ZC3H12B: variants seen among roughly 807,000 people sequenced by gnomAD.
ZC3H12B encodes the protein probable ribonuclease ZC3H12B.
Under a neutral mutation model 43.9 loss-of-function variants are expected in ZC3H12B, and 7 were observed. The ratio of observed to expected loss-of-function variants is 0.16; its 90% CI spans 0.09 to 0.30. The LOEUF (loss-of-function observed/expected upper bound fraction) is 0.30. Among genes scored for constraint, ZC3H12B ranks in the 10% least tolerant of loss-of-function variants. ZC3H12B has a pLI of 1.00. For synonymous variants in ZC3H12B, 222 were observed against 241.7 expected (o/e 0.92, Z 0.76); for missense variants, 475 against 670.2 (o/e 0.71, Z 3.22).
chrX:65,320,577 G>T, the ZC3H12B span, among the ~76,000 whole-genome samples: 7 of 112,070 alleles, frequency 6.2e-5, no homozygotes, highest in East Asian at 2.8e-4. Flanking sequence ...ACCAAAAAAA[G>T]TCTGAATAGC....
At chrX:65,389,864 C>G (rs1476239625) in intron 2 of ZC3H12B, among the ~76,000 whole-genome samples, 2 of 112,184 alleles carry the variant, frequency 1.8e-5, no homozygotes, top group East Asian at 5.6e-4. Context: ...CCTCAAGGAT[C>G]TAGAACTAGA....
At chrX:65,184,093 T>A in the ZC3H12B span, among the ~76,000 whole-genome samples, 1 of 111,606 alleles carries the variant, frequency 9.0e-6, no homozygotes, top group Non-Finnish European at 1.9e-5. Context: ...ACACAACACA[T>A]TAACATATAG....
chrX:65,054,292 G>A, the ZC3H12B span, among the ~76,000 whole-genome samples: 13 of 111,769 alleles, frequency 1.2e-4, no homozygotes, highest in African/African-American at 3.6e-4. Flanking sequence ...TGTATAAGGT[G>A]TAAGGAAGGG....
chrX:65,218,117 G>C, the ZC3H12B span, among the ~76,000 whole-genome samples: 1 of 112,286 alleles, frequency 8.9e-6, no homozygotes, highest in South Asian at 3.7e-4. Context: ...CTTCTCACCA[G>C]AAACCTAATG....
intron 3 of ZC3H12B, among the ~76,000 whole-genome samples, chrX:65,435,782 G>C (rs1333221739): frequency 9.0e-6 from 1 of 111,608 alleles, no homozygotes; most frequent in Admixed American, 9.6e-5. Context: ...ACAGTATACT[G>C]TATGTGAGCT....
At chrX:65,095,444 G>A in the ZC3H12B span, among the ~76,000 whole-genome samples, 3 of 110,914 alleles carry the variant, frequency 2.7e-5, no homozygotes, top group Non-Finnish European at 3.8e-5. Context: ...CAAATTACTG[G>A]CCCCAAATTG....
the ZC3H12B span, among the ~76,000 whole-genome samples, chrX:65,347,553 T>G: frequency 9.0e-6 from 1 of 111,687 alleles, no homozygotes; most frequent in Non-Finnish European, 1.9e-5. Context: ...CTCACACCAG[T>G]TAGAATGGTG....
intron 3 of ZC3H12B, among the ~76,000 whole-genome samples, chrX:65,483,346 T>C (rs1431418179): frequency 8.9e-6 from 1 of 112,064 alleles, no homozygotes; most frequent in Admixed American, 9.5e-5. Flanking sequence ...CTTTATGATA[T>C]AATTCCTGCA....
chrX:65,269,654 C>G, the ZC3H12B span, among the ~76,000 whole-genome samples: 4 of 109,865 alleles, frequency 3.6e-5, no homozygotes, highest in Non-Finnish European at 7.6e-5. Context: ...AATGCACCAT[C>G]ACACCTGGCT....
chrX:65,379,020 G>A (rs181272279), intron 2 of ZC3H12B, among the ~76,000 whole-genome samples: 3 of 112,168 alleles, frequency 2.7e-5, no homozygotes, highest in African/African-American at 9.7e-5. Flanking sequence ...AGGCAGCAGC[G>A]AGGCTAGGGG....
the ZC3H12B span, among the ~76,000 whole-genome samples, chrX:65,182,791 CA>C: frequency 3.7e-5 from 4 of 109,430 alleles, no homozygotes; most frequent in Admixed American, 1.9e-4. Flanking sequence ...TAAAAGGAAA[CA>C]TAAATGCAGC....
At chrX:65,392,547 A>C (rs2066637148) in intron 2 of ZC3H12B, among the ~76,000 whole-genome samples, 2 of 110,240 alleles carry the variant, frequency 1.8e-5, no homozygotes, top group African/African-American at 6.6e-5. Context: ...CCCGTCTGGG[A>C]GGTGGGGGTC....
chrX:65,146,968 C>A, the ZC3H12B span, among the ~76,000 whole-genome samples: 1 of 111,873 alleles, frequency 8.9e-6, no homozygotes, highest in East Asian at 2.8e-4. Flanking sequence ...GTTCATGATG[C>A]AAGCCTCCAC....
At chrX:65,167,425 A>G in the ZC3H12B span, among the ~76,000 whole-genome samples, 20 of 111,761 alleles carry the variant, frequency 1.8e-4, no homozygotes, top group South Asian at 1.5e-3. Flanking sequence ...CACCGGTACC[A>G]TGCTGTTTTG....
the ZC3H12B span, among the ~76,000 whole-genome samples, chrX:65,148,382 G>T: frequency 8.9e-6 from 1 of 112,097 alleles, no homozygotes. Context: ...GGGGCTGTGG[G>T]ATCAGCCTAG....
chrX:65,382,774 C>T (rs747923755), intron 2 of ZC3H12B, among the ~76,000 whole-genome samples: 26 of 111,567 alleles, frequency 2.3e-4, no homozygotes, highest in African/African-American at 5.5e-4. Flanking sequence ...ATAAAATCAA[C>T]GTACAAAAAT....
chrX:65,346,874 G>A, the ZC3H12B span, among the ~76,000 whole-genome samples: 4 of 112,380 alleles, frequency 3.6e-5, no homozygotes, highest in Non-Finnish European at 7.5e-5. Flanking sequence ...TGTGGGTGCA[G>A]CTTCAGCAGA....
At chrX:65,379,063 G>A (rs1366786820) in intron 2 of ZC3H12B, among the ~76,000 whole-genome samples, 1 of 112,200 alleles carries the variant, frequency 8.9e-6, no homozygotes, top group Admixed American at 9.4e-5. Context: ...GCTTGCTTAG[G>A]TAAACAAAGC....
the ZC3H12B span, among the ~76,000 whole-genome samples, chrX:65,151,391 A>G: frequency 8.9e-6 from 1 of 112,344 alleles, no homozygotes; most frequent in African/African-American, 3.2e-5. Flanking sequence ...AACCAAGTTC[A>G]GAGAAAAAAT....
Sources: gnomAD v4.1 joint callset for allele counts (sites outside exome capture counted in the v4.1 genomes callset) on GRCh38, gnomAD v4.1.1 for gene constraint, MANE v1.5 for transcripts, NCBI Gene and HGNC (gene_info 2026-07-23, HGNC 2026-07-21) for gene names.